Variants in PPP1CB observed in about 807,000 individuals in gnomAD.
PPP1CB encodes the protein serine/threonine-protein phosphatase PP1-beta catalytic subunit.
PPP1CB carries 2 observed loss-of-function variants against 43.7 expected under a neutral mutation model. The observed-to-expected ratio is 0.05, with a 90% CI of 0.02 to 0.14. PPP1CB has a LOEUF of 0.14. Ranked by LOEUF, PPP1CB falls within the 10% of genes least tolerant of loss-of-function variation. The pLI is 1.00. For synonymous variants in PPP1CB, 136 were observed against 135.6 expected, an observed-to-expected ratio of 1.00 and a Z score of -0.02; for missense variants, 84 against 398.0, an observed-to-expected ratio of 0.21 and a Z score of 6.71.
intron 6 of PPP1CB, among the ~76,000 whole-genome samples, chr2:28,791,399 C>T (rs959298148): frequency 2.6e-5 from 4 of 152,006 alleles, no homozygotes; most frequent in East Asian, 1.9e-4. Flanking sequence ...GGCACCATCT[C>T]GGCTCGCTGC....
rs999258552 is a variant in PPP1CB, at chr2:28,780,078, T to C, written c.415+1039T>C. Among the ~76,000 whole-genome samples the C allele has an allele frequency of 6.7e-5, 9 of 134,842 alleles. No homozygotes were observed. The Admixed American group carries it at 6.9e-4, about 10-fold the overall frequency. The allele number at this position is 134,842 out of a possible 152,430, so 88.5% of individuals were successfully genotyped here. Reference sequence around the variant, plus strand: ...TTTCTTTTTTCTTTTTTCTTTTCTTTTCTTTCTTTTTTTTTTTTTTTTTTT... The same window carrying C: ...TTTCTTTTTTCTTTTTTCTTTTCTTCTCTTTCTTTTTTTTTTTTTTTTTTT... On this transcript the variant is annotated intron_variant, in intron 3 of 7. Coordinates refer to ENST00000395366, the MANE Select transcript of PPP1CB (RefSeq NM_002709.3).
intron 1 of PPP1CB, among the ~76,000 whole-genome samples, chr2:28,773,429 G>A (rs7579277): frequency 0.62 from 93,783 of 152,056 alleles, 29,832 homozygotes; most frequent in South Asian, 0.73. Context: ...GATCTTATGC[G>A]AGTTATTGAA....
intron 3 of PPP1CB, among the ~76,000 whole-genome samples, chr2:28,779,974 T>G (rs563019788): frequency 6.6e-6 from 1 of 152,332 alleles, no homozygotes; most frequent in Non-Finnish European, 1.5e-5. Flanking sequence ...AAATAGCAGG[T>G]CATCAGCCTA....
rs139191060 is a variant in PPP1CB, at chr2:28,777,652, T to G, written c.184+670T>G. On this transcript the variant is annotated intron_variant, in intron 2 of 7. Transcript: ENST00000395366. ...TAAGTAAATGTTTGTTTTTTGTTTGTTTGGTTGGTTTTTCTTTGAGACAGA... is the reference window on the plus strand; with the variant it reads ...TAAGTAAATGTTTGTTTTTTGTTTGGTTGGTTGGTTTTTCTTTGAGACAGA... Among the ~76,000 whole-genome samples the G allele has an allele frequency of 9.4e-3, 1,434 of 152,206 alleles. 21 individuals carry two copies. Among genetic ancestry groups the G allele is most frequent in the African/African-American group, 0.033 (1,357 of 41,530 alleles).
intron 4 of PPP1CB, chr2:28,782,448 CAG>C (rs1667174911): frequency 6.5e-6 from 1 of 153,282 alleles, no homozygotes; most frequent in Admixed American, 6.5e-5. Context: ...ATTTATGAAA[CAG>C]ATAATTGAGT....
intron 6 of PPP1CB, 143 bp downstream of exon 6, chr2:28,788,952 G>A (rs1260564430): frequency 2.4e-6 from 2 of 817,692 alleles, no homozygotes; most frequent in Admixed American, 6.6e-5. Flanking sequence ...GTGCCTCCCG[G>A]GTTCAGGCAG....
chr2:28,759,648 G>A (rs769642886), intron 1 of PPP1CB, among the ~76,000 whole-genome samples: 11 of 144,934 alleles, frequency 7.6e-5, no homozygotes, highest in South Asian at 2.2e-4. Flanking sequence ...ACAGAGTTTC[G>A]CTCTTGTTGC....
intron 5 of PPP1CB, among the ~76,000 whole-genome samples, chr2:28,787,989 A>T (rs191596337): frequency 2.1e-4 from 32 of 151,886 alleles, no homozygotes; most frequent in Admixed American, 1.6e-3. Flanking sequence ...TTCCACATTT[A>T]AAAAAAAATC....
intron 1 of PPP1CB, among the ~76,000 whole-genome samples, chr2:28,761,321 G>A (rs186386075): frequency 1.5e-4 from 23 of 152,308 alleles, no homozygotes; most frequent in Admixed American, 1.2e-3. Flanking sequence ...TGTGAATCCT[G>A]AATGATAATC....
intron 7 of PPP1CB, among the ~76,000 whole-genome samples, chr2:28,798,469 A>G (rs1281618344): frequency 6.6e-6 from 1 of 152,144 alleles, no homozygotes; most frequent in East Asian, 1.9e-4. Context: ...GAATAGATAA[A>G]CTGTGGTACA....
rs4485526 is a variant in PPP1CB, at chr2:28,763,150, A to G, written c.52+10974A>G. The stretch of plus-strand genomic sequence containing the variant: ...AGTCACAGGAGTGCTTTCCTTTGCG[A>G]CAACCATTGTACTTTGGGATGGAGC... On this transcript the variant is annotated intron_variant, in intron 1 of 7. Transcript: ENST00000395366. 2.0e-5 allele frequency among the ~76,000 whole-genome samples: 3 copies of G among 152,348 alleles called. No individual in the cohort carries two copies. In the East Asian group the frequency reaches 5.8e-4, roughly 29 times the overall value.
chr2:28,774,058 T>G (rs1666973643), intron 1 of PPP1CB, among the ~76,000 whole-genome samples: 1 of 152,222 alleles, frequency 6.6e-6, no homozygotes, highest in African/African-American at 2.4e-5. Flanking sequence ...AAATTTTTAG[T>G]TTCTGTGGAT....
intron 1 of PPP1CB, among the ~76,000 whole-genome samples, chr2:28,767,277 A>G (rs1666799212): frequency 6.6e-6 from 1 of 152,122 alleles, no homozygotes; most frequent in Non-Finnish European, 1.5e-5. Flanking sequence ...TTAATTTTTT[A>G]AAAAGTTCCC....
At chr2:28,763,226 T>C (rs1449570982) in intron 1 of PPP1CB, among the ~76,000 whole-genome samples, 5 of 152,214 alleles carry the variant, frequency 3.3e-5, no homozygotes, top group Admixed American at 6.5e-5. Flanking sequence ...ATTAAAGAGA[T>C]GTATTCAAAG....
chr2:28,789,137 A>AG (rs1193546558), intron 6 of PPP1CB, among the ~76,000 whole-genome samples: 1 of 152,218 alleles, frequency 6.6e-6, no homozygotes, highest in Non-Finnish European at 1.5e-5. Flanking sequence ...GAGGTGGCAG[A>AG]GCCAGTTCCT....
intron 1 of PPP1CB, among the ~76,000 whole-genome samples, chr2:28,774,137 A>G (rs1666977765): frequency 6.6e-6 from 1 of 152,234 alleles, no homozygotes; most frequent in African/African-American, 2.4e-5. Flanking sequence ...TGAGAAGTGA[A>G]AATTATACAG....
chr2:28,763,799 G>T (rs1666715786), intron 1 of PPP1CB, among the ~76,000 whole-genome samples: 1 of 152,068 alleles, frequency 6.6e-6, no homozygotes, highest in Admixed American at 6.5e-5. Flanking sequence ...CTGCCTCCCG[G>T]GTTGAAGCGA....
Position 28,794,083 on chromosome 2 carries a change from G to T in PPP1CB, c.879+86G>T, listed in dbSNP as rs187575688. On this transcript the variant is annotated intron_variant, in intron 7 of 7. Transcript: ENST00000395366. The stretch of plus-strand genomic sequence containing the variant: ...CGTTTTAGATTTGTGAAGTTTCCTT[G>T]AGCAAGTGTTGAAAGTCTGTTTAAT... The T allele has an allele frequency of 9.3e-4, 1,059 of 1,139,442 alleles. 19 individuals are homozygous for T. In the East Asian group the frequency reaches 0.026, roughly 28 times the overall value. 70.6% of individuals were successfully genotyped at this position (1,139,442 alleles called of 1,614,324 possible).
At chr2:28,768,687 T>G (rs1666834404) in intron 1 of PPP1CB, among the ~76,000 whole-genome samples, 1 of 152,196 alleles carries the variant, frequency 6.6e-6, no homozygotes, top group Non-Finnish European at 1.5e-5. Context: ...GAAACAGCCT[T>G]CTTTGGAGAA....
Sources: allele counts gnomAD v4.1 joint callset (sites outside exome capture counted in the v4.1 genomes callset), GRCh38; gene constraint gnomAD v4.1.1; transcripts MANE v1.5; gene names NCBI Gene and HGNC (gene_info 2026-07-23, HGNC 2026-07-21).